Variants in DCC observed in about 807,000 individuals in gnomAD.
The protein encoded by DCC is netrin receptor DCC.
Under a neutral mutation model 172.5 loss-of-function variants are expected in DCC, and 58 were observed. The observed-to-expected ratio is 0.34, with a 90% CI of 0.27 to 0.42. The LOEUF is 0.42. Among genes scored for constraint, DCC ranks in the 10% least tolerant of loss-of-function variants. DCC has a pLI of 1.00. For missense variants in DCC, 1,740 were observed against 1,791.0 expected (o/e 0.97, Z 0.51); for synonymous variants, 709 against 644.5 (o/e 1.10, Z -1.52).
Position 52,469,030 on chromosome 18 carries a change from GATTTATTTATTTATTT to G in DCC, c.91+128182_91+128197del, listed in dbSNP as rs3086373. On this transcript the variant is annotated intron_variant, in intron 1 of 28. Coordinates refer to ENST00000442544, the MANE Select transcript of DCC (RefSeq NM_005215.4). ...TTACTCATCAGTGGAAAACAATTTT[GATTTATTTATTTATTT>G]ATTTATTTATTTATTTATTTATTTA... 1.2e-3 allele frequency among the ~76,000 whole-genome samples: 172 copies of G among 145,764 alleles called. 2 individuals are homozygous for G. The highest frequency in any genetic ancestry group is 9.1e-4 in the South Asian group (4 of 4,408).
chr18:53,291,023 C>A (rs182097717), intron 12 of DCC, among the ~76,000 whole-genome samples: 1 of 151,900 alleles, frequency 6.6e-6, no homozygotes, highest in Non-Finnish European at 1.5e-5. Flanking sequence ...CAAAAATTAG[C>A]CAGGTGTGGT....
intron 1 of DCC, among the ~76,000 whole-genome samples, chr18:52,475,528 A>G (rs976848938): frequency 4.0e-5 from 6 of 151,820 alleles, no homozygotes; most frequent in African/African-American, 9.7e-5. Flanking sequence ...GTCTTTTTCT[A>G]TGGGGGTGGG....
chr18:53,285,929 G>A (rs2144738006), intron 12 of DCC, among the ~76,000 whole-genome samples: 1 of 152,286 alleles, frequency 6.6e-6, no homozygotes, highest in East Asian at 1.9e-4. Context: ...AACTTGCATG[G>A]GGCCTGTAGC....
At chr18:53,359,318 G>A (rs943197483) in intron 15 of DCC, among the ~76,000 whole-genome samples, 15 of 152,080 alleles carry the variant, frequency 9.9e-5, no homozygotes, top group African/African-American at 3.6e-4. Context: ...AAATACTGGG[G>A]ACTTGCGTGC....
In DCC at chr18:52,753,002, T is replaced by C. The variant is rs529772699; in HGVS notation, c.412+628T>C. Among the ~76,000 whole-genome samples the C allele has an allele frequency of 2.3e-3, 353 of 151,600 alleles. 2 individuals are homozygous for C. Among genetic ancestry groups the C allele is most frequent in the African/African-American group, 7.4e-3 (304 of 41,250 alleles). The stretch of plus-strand genomic sequence containing the variant: ...TATATCATATATACACACACACACA[T>C]ATATATATATATCTCATATTTTCTT... On this transcript the variant is annotated intron_variant, in intron 2 of 28. Transcript: ENST00000442544.
intron 5 of DCC, among the ~76,000 whole-genome samples, chr18:52,937,561 G>A (rs766504504): frequency 6.6e-5 from 10 of 152,126 alleles, no homozygotes; most frequent in Non-Finnish European, 1.5e-4. Context: ...CCAGGCTGAG[G>A]TGCAGTGGCG....
At chr18:52,938,019 A>C (rs1002039471) in intron 5 of DCC, among the ~76,000 whole-genome samples, 1 of 152,176 alleles carries the variant, frequency 6.6e-6, no homozygotes, top group African/African-American at 2.4e-5. Context: ...CTCAGTGCCT[A>C]GATACACAAA....
chr18:53,443,555 G>T (rs1219519281), intron 22 of DCC, among the ~76,000 whole-genome samples: 1 of 152,170 alleles, frequency 6.6e-6, no homozygotes, highest in African/African-American at 2.4e-5. Context: ...CATCCATTCT[G>T]CAGCCCATGG....
In DCC at chr18:52,340,510, T is replaced by A; in HGVS notation, c.-278T>A. On this transcript the variant is annotated 5_prime_UTR_variant, in exon 1 of 29. Coordinates refer to ENST00000442544, the MANE Select transcript of DCC (RefSeq NM_005215.4). The stretch of plus-strand genomic sequence containing the variant: ...GCTCCCTCCGTTTCCTTGAGTTAGT[T>A]TTCTAAGGTTTTACCGGGGCTCGGG... 1.9e-6 allele frequency: 1 copy of A among 531,728 alleles called. No homozygotes were observed. The highest frequency in any genetic ancestry group is 3.4e-6 in the Non-Finnish European group (1 of 294,680). 32.9% of individuals were successfully genotyped at this position (531,728 alleles called of 1,614,324 possible).
At chr18:52,978,962 G>A (rs891095500) in intron 5 of DCC, among the ~76,000 whole-genome samples, 2 of 152,110 alleles carry the variant, frequency 1.3e-5, no homozygotes, top group African/African-American at 4.8e-5. Context: ...CCACTCCATG[G>A]GTCGATAGGC....
intron 1 of DCC, among the ~76,000 whole-genome samples, chr18:52,665,526 A>G (rs2035446645): frequency 6.6e-6 from 1 of 152,216 alleles, no homozygotes; most frequent in African/African-American, 2.4e-5. Context: ...GTGCTTGAAG[A>G]GTTTGGATGT....
chr18:53,349,260 G>C (rs2057760284), intron 15 of DCC, among the ~76,000 whole-genome samples: 1 of 152,144 alleles, frequency 6.6e-6, no homozygotes, highest in Non-Finnish European at 1.5e-5. Flanking sequence ...AATATAACAA[G>C]AGTCACCTTT....
chr18:53,081,206 C>G (rs1347653361), intron 7 of DCC, among the ~76,000 whole-genome samples: 1 of 151,860 alleles, frequency 6.6e-6, no homozygotes, highest in Non-Finnish European at 1.5e-5. Context: ...TTTCTGCCAC[C>G]TAGAAATAGA....
At chr18:52,662,925 T>C (rs2035389762) in intron 1 of DCC, among the ~76,000 whole-genome samples, 1 of 152,098 alleles carries the variant, frequency 6.6e-6, no homozygotes, top group Admixed American at 6.5e-5. Flanking sequence ...ACTGGTCCCA[T>C]TCATGAGGGC....
At chr18:53,522,203 G>T (rs1338021922) in intron 27 of DCC, among the ~76,000 whole-genome samples, 1 of 151,844 alleles carries the variant, frequency 6.6e-6, no homozygotes, top group African/African-American at 2.4e-5. Context: ...ACCTGCCAAG[G>T]TTTTTAGTGG....
intron 5 of DCC, among the ~76,000 whole-genome samples, chr18:53,060,166 G>A (rs1327561466): frequency 6.7e-6 from 1 of 149,198 alleles, no homozygotes; most frequent in Non-Finnish European, 1.5e-5. Flanking sequence ...ACCACACCTG[G>A]CTTATTTTTA....
At chr18:52,807,434 A>G (rs2038109007) in intron 2 of DCC, among the ~76,000 whole-genome samples, 1 of 152,200 alleles carries the variant, frequency 6.6e-6, no homozygotes. Context: ...ACTCACTCAT[A>G]TTTCACACTT....
At chr18:53,435,094 C>T (rs1355743762) in intron 21 of DCC, 50 bp from the exon 22 acceptor site, 1 of 1,312,308 alleles carries the variant, frequency 7.6e-7, no homozygotes, top group South Asian at 1.2e-5. Context: ...TTTTTGTCTT[C>T]ATTTTGTTTC....
intron 2 of DCC, among the ~76,000 whole-genome samples, chr18:52,765,846 C>G (rs929527613): frequency 4.6e-5 from 7 of 152,136 alleles, no homozygotes; most frequent in African/African-American, 1.7e-4. Context: ...CTTGGGACAA[C>G]CATGGAAACG....
Sources: gnomAD v4.1 joint callset for allele counts (sites outside exome capture counted in the v4.1 genomes callset) on GRCh38, gnomAD v4.1.1 for gene constraint, MANE v1.5 for transcripts, NCBI Gene and HGNC (gene_info 2026-07-23, HGNC 2026-07-21) for gene names.